Variants in PTPRD observed in about 807,000 individuals in gnomAD.
The protein encoded by PTPRD is receptor-type tyrosine-protein phosphatase delta.
Under a neutral mutation model 214.5 loss-of-function variants are expected in PTPRD, and 34 were observed. The observed-to-expected ratio is 0.16, with a 90% confidence interval of 0.12 to 0.21. The LOEUF is 0.21. Among genes scored for constraint, PTPRD ranks in the 10% least tolerant of loss-of-function variants. The pLI is 1.00. For synonymous variants in PTPRD, 1,128 were observed against 845.7 expected (o/e 1.33, Z -5.79); for missense variants, 2,545 against 2,398.7 (o/e 1.06, Z -1.27).
chr9:9,642,013 C>A (rs867568539), intron 7 of PTPRD, among the ~76,000 whole-genome samples: 2 of 150,754 alleles, frequency 1.3e-5, no homozygotes, highest in African/African-American at 4.9e-5. Flanking sequence ...TTGGAACCAA[C>A]CCAAATGTCC....
chr9:9,797,243 G>GTTTTTTT (rs56375104), intron 5 of PTPRD, among the ~76,000 whole-genome samples: 4 of 98,056 alleles, frequency 4.1e-5, no homozygotes, highest in Admixed American at 1.1e-4. Flanking sequence ...ATTTCAGGCA[G>GTTTTTTT]TTTTTTTTTT....
chr9:8,331,649 A>C lies in PTPRD; in HGVS notation c.5467T>G (p.Phe1823Val). Reference sequence around the variant, plus strand: ...TTTGTTTTATGGACTTGGCCGATGAAGTCAATAAATCCTTCTCCGGACTTT... The same window carrying C: ...TTTGTTTTATGGACTTGGCCGATGACGTCAATAAATCCTTCTCCGGACTTT... Reference protein sequence around the residue: ...VPKSGEGFIDFIGQVHKTKEQ... With the variant: ...VPKSGEGFIDVIGQVHKTKEQ... The change falls in exon 44 of 46, where the codon TTC (phenylalanine) becomes GTC (valine). Residue 1823 changes from phenylalanine (F) to valine (V), a missense_variant. Phe to Val is a conservative substitution (Grantham distance 50). Coordinates refer to ENST00000381196, the MANE Select transcript of PTPRD (RefSeq NM_002839.4). 1 of 1,613,784 alleles carries C rather than the reference A, an allele frequency of 6.2e-7. No homozygotes were observed. The highest frequency in any genetic ancestry group is 8.5e-7 in the Non-Finnish European group (1 of 1,179,932).
intron 2 of PTPRD, among the ~76,000 whole-genome samples, chr9:10,391,351 A>G (rs1565733805): frequency 6.6e-6 from 1 of 151,720 alleles, no homozygotes; most frequent in African/African-American, 2.4e-5. Context: ...TTGATCCATC[A>G]TAGTCAGAGA....
chr9:8,470,743 C>G (rs1379486753), intron 31 of PTPRD, among the ~76,000 whole-genome samples: 1 of 152,116 alleles, frequency 6.6e-6, no homozygotes, highest in Non-Finnish European at 1.5e-5. Flanking sequence ...GAGCAAGGGG[C>G]AAAATGTTAA....
At chr9:9,881,995 T>C (rs553058965) in intron 5 of PTPRD, among the ~76,000 whole-genome samples, 94 of 152,216 alleles carry the variant, frequency 6.2e-4, no homozygotes, top group South Asian at 4.8e-3. Flanking sequence ...TTTCTCAATT[T>C]CCACCATGGA....
intron 11 of PTPRD, among the ~76,000 whole-genome samples, chr9:8,935,039 G>T (rs573304990): frequency 1.3e-5 from 2 of 151,930 alleles, no homozygotes; most frequent in Non-Finnish European, 2.9e-5. Flanking sequence ...AGAGATATAT[G>T]TATCACATTT....
At chr9:9,360,993 C>G (rs146770605) in intron 9 of PTPRD, among the ~76,000 whole-genome samples, 23 of 151,176 alleles carry the variant, frequency 1.5e-4, no homozygotes, top group Non-Finnish European at 2.7e-4. Context: ...ATAGAGATGA[C>G]TTGGTTAATA....
At chr9:8,621,657 T>C (rs1326815428) in intron 14 of PTPRD, among the ~76,000 whole-genome samples, 1 of 151,716 alleles carries the variant, frequency 6.6e-6, no homozygotes, top group African/African-American at 2.4e-5. Flanking sequence ...ATTGAGCCAG[T>C]GAGTGTTAAC....
intron 4 of PTPRD, among the ~76,000 whole-genome samples, chr9:10,006,230 C>A (rs2096471577): frequency 6.6e-6 from 1 of 151,954 alleles, no homozygotes; most frequent in Non-Finnish European, 1.5e-5. Flanking sequence ...TGATTTACAT[C>A]AGTTCCCTGC....
intron 11 of PTPRD, among the ~76,000 whole-genome samples, chr9:8,910,290 G>A (rs7027666): frequency 0.072 from 10,994 of 152,048 alleles, 835 homozygotes; most frequent in African/African-American, 0.18. Context: ...GCCCACCTCA[G>A]CCTCCCAAAG....
At chr9:9,101,136 A>G (rs1695724429) in intron 10 of PTPRD, among the ~76,000 whole-genome samples, 1 of 151,986 alleles carries the variant, frequency 6.6e-6, no homozygotes, top group African/African-American at 2.4e-5. Flanking sequence ...AGGAGACCAG[A>G]AGCTTTAGCA....
chr9:10,138,036 A>G (rs2098955136), intron 3 of PTPRD, among the ~76,000 whole-genome samples: 1 of 152,102 alleles, frequency 6.6e-6, no homozygotes, highest in African/African-American at 2.4e-5. Context: ...AGAAACAACA[A>G]AAATCAGAGA....
intron 7 of PTPRD, among the ~76,000 whole-genome samples, chr9:9,591,345 T>A (rs2092708791): frequency 1.3e-5 from 2 of 151,950 alleles, no homozygotes; most frequent in South Asian, 4.1e-4. Context: ...AATGGATCTG[T>A]GTCCTACCTC....
At chr9:8,594,417 T>A (rs1459359646) in intron 14 of PTPRD, among the ~76,000 whole-genome samples, 2 of 152,190 alleles carry the variant, frequency 1.3e-5, no homozygotes, top group African/African-American at 4.8e-5. Flanking sequence ...GGCACAAACA[T>A]CAGAACTCAA....
intron 9 of PTPRD, among the ~76,000 whole-genome samples, chr9:9,377,915 C>T (rs2061227585): frequency 1.3e-5 from 2 of 150,282 alleles, no homozygotes; most frequent in Admixed American, 1.3e-4. Flanking sequence ...TTTCTTAAGA[C>T]TATTTTTTTT....
chr9:9,872,037 G>A (rs2065599522), intron 5 of PTPRD, among the ~76,000 whole-genome samples: 1 of 152,084 alleles, frequency 6.6e-6, no homozygotes, highest in African/African-American at 2.4e-5. Flanking sequence ...CTTGACAATA[G>A]TACCACAGAC....
intron 3 of PTPRD, among the ~76,000 whole-genome samples, chr9:10,199,074 G>C (rs1048937090): frequency 4.7e-5 from 7 of 150,040 alleles, no homozygotes; most frequent in Admixed American, 4.6e-4. Context: ...TTTTTCTTCA[G>C]GCTTTCAAAT....
chr9:8,848,871 A>C (rs1178395527), intron 11 of PTPRD, among the ~76,000 whole-genome samples: 1 of 133,764 alleles, frequency 7.5e-6, no homozygotes, highest in African/African-American at 2.7e-5. Flanking sequence ...ATGATAATAA[A>C]ACCATCTGAC....
chr9:8,785,173 A>T (rs1477113045), intron 11 of PTPRD, among the ~76,000 whole-genome samples: 1 of 152,214 alleles, frequency 6.6e-6, no homozygotes, highest in African/African-American at 2.4e-5. Flanking sequence ...GTACAAGAAA[A>T]GAAATTTGGT....
Sources: allele counts gnomAD v4.1 joint callset (sites outside exome capture counted in the v4.1 genomes callset), GRCh38; gene constraint gnomAD v4.1.1; transcripts MANE v1.5; gene names NCBI Gene and HGNC (gene_info 2026-07-23, HGNC 2026-07-21).